Variants in XRN1 observed in about 807,000 individuals in gnomAD.
The protein encoded by XRN1 is strand-exchange protein 1 homolog.
In XRN1, 67 loss-of-function variants were observed where a neutral mutation model predicts 222.3. The observed-to-expected ratio is 0.30, with a 90% CI of 0.25 to 0.37. The LOEUF (loss-of-function observed/expected upper bound fraction) is 0.37, where lower values mean the gene tolerates loss of function less well. XRN1 is among the 10% of genes least tolerant of loss of function. The probability of loss-of-function intolerance (pLI) is 1.00; values close to 1 mark genes in which losing one functional copy is unlikely to be tolerated. For synonymous variants in XRN1, 643 were observed against 652.4 expected, an observed-to-expected ratio of 0.99 and a Z score of 0.22; for missense variants, 1,707 against 2,000.2, an observed-to-expected ratio of 0.85 and a Z score of 2.80.
At chr3:142,415,594 C>T (rs1185049763) in intron 13 of XRN1, among the ~76,000 whole-genome samples, 1 of 152,208 alleles carries the variant, frequency 6.6e-6, no homozygotes, top group Non-Finnish European at 1.5e-5. Flanking sequence ...GAATAACTTA[C>T]ATTCACACTA....
At position 142,355,410 on chromosome 3, in the gene XRN1, T is replaced by C. The variant is rs2066437990; in HGVS notation, c.3759A>G (p.Ile1253Met). 6.4e-7 allele frequency: 1 copy of C among 1,564,110 alleles called. No individual in the cohort carries two copies. The highest frequency in any genetic ancestry group is 2.3e-5 in the East Asian group (1 of 43,780). The change falls in exon 32 of 41, where the codon ATA becomes ATG. Residue 1253 changes from isoleucine to methionine, a missense_variant. Ile to Met is a conservative substitution (Grantham distance 10, BLOSUM62 1). Transcript: ENST00000392981. ...SGKMQYFQPTIQEKGAVLPQE... is the reference protein window; with the variant it reads ...SGKMQYFQPTMQEKGAVLPQE... ...AACAAGGAATACTAACCTTCTCTTG[T>C]ATAGTTGGCTGAAAGTATTGCATCT...
rs1169767689 is a variant in XRN1 at position 142,380,730 on chromosome 3, C to T, written c.2617-550G>A. ...GTGTAGTGGCACTATCATGGCTTGC[C>T]GACTTGCTGCACTTGCCTTCCTGGG... is the stretch of plus-strand genomic sequence containing the variant. On this transcript the variant is annotated intron_variant, in intron 22 of 40. Coordinates refer to ENST00000392981, the MANE Select transcript of XRN1 (RefSeq NM_001282857.2). 2.0e-5 allele frequency among the ~76,000 whole-genome samples: 3 copies of T among 151,958 alleles called. No individual in the cohort carries two copies. In the East Asian group the frequency reaches 5.8e-4, roughly 29 times the overall value.
At chr3:142,392,325 C>CT (rs58724846) in intron 20 of XRN1, among the ~76,000 whole-genome samples, 3,834 of 143,284 alleles carry the variant, frequency 0.027, 53 homozygotes, top group South Asian at 0.05. Flanking sequence ...CCAGCAATTT[C>CT]TTTTTTTTTT....
At chr3:142,413,410 G>C (rs959461717) in intron 14 of XRN1, among the ~76,000 whole-genome samples, 1 of 152,164 alleles carries the variant, frequency 6.6e-6, no homozygotes, top group Non-Finnish European at 1.5e-5. Context: ...CGAAGAAAGG[G>C]AAGCCAGGAT....
At chr3:142,318,517 A>C (rs1229364970) in intron 39 of XRN1, 75 bp downstream of exon 39, 1 of 1,315,752 alleles carries the variant, frequency 7.6e-7, no homozygotes, top group African/African-American at 1.5e-5. Context: ...ATTTGAGTAC[A>C]TTCTTGATTT....
intron 20 of XRN1, among the ~76,000 whole-genome samples, chr3:142,394,366 A>C (rs1352357979): frequency 6.6e-6 from 1 of 152,192 alleles, no homozygotes; most frequent in African/African-American, 2.4e-5. Context: ...AGAATGTTTC[A>C]TTATAAATTA....
At chr3:142,337,144 T>C (rs540362365) in intron 33 of XRN1, among the ~76,000 whole-genome samples, 1 of 152,278 alleles carries the variant, frequency 6.6e-6, no homozygotes, top group South Asian at 2.1e-4. Context: ...TTTCCTCTAC[T>C]GGAAAGTTCT....
chr3:142,408,224 A>G (rs2068425638), intron 15 of XRN1, among the ~76,000 whole-genome samples: 1 of 152,228 alleles, frequency 6.6e-6, no homozygotes. Flanking sequence ...ACCAGACTAA[A>G]GAATAAGCGA....
At chr3:142,362,123 C>G (rs1474254700) in intron 29 of XRN1, among the ~76,000 whole-genome samples, 1 of 151,478 alleles carries the variant, frequency 6.6e-6, no homozygotes. Context: ...TGCCGGCCAC[C>G]ATTCCTGGCT....
At chr3:142,416,639 C>T (rs1473090561) in intron 13 of XRN1, among the ~76,000 whole-genome samples, 1 of 152,206 alleles carries the variant, frequency 6.6e-6, no homozygotes, top group Non-Finnish European at 1.5e-5. Context: ...TAAATCTTTA[C>T]ATTAACTAAG....
chr3:142,347,760 G>C (rs1377395674), intron 32 of XRN1, among the ~76,000 whole-genome samples: 1 of 151,412 alleles, frequency 6.6e-6, no homozygotes, highest in Non-Finnish European at 1.5e-5. Context: ...ATCGTGCCTG[G>C]CTAGTTTTTG....
At chr3:142,431,946 A>C in intron 2 of XRN1, among the ~76,000 whole-genome samples, 1 of 97,684 alleles carries the variant, frequency 1.0e-5, no homozygotes, top group African/African-American at 4.3e-5. Flanking sequence ...TATATATTAT[A>C]TAATATATTA....
chr3:142,318,721 A>C, intron 38 of XRN1, 27 bp from the exon 39 acceptor site: 1 of 1,609,638 alleles, frequency 6.2e-7, no homozygotes, highest in Non-Finnish European at 8.5e-7. Context: ...AAGTTACAAG[A>C]CAATGCAATA....
At chr3:142,335,123 G>A (rs1386855885) in intron 34 of XRN1, among the ~76,000 whole-genome samples, 1 of 151,748 alleles carries the variant, frequency 6.6e-6, no homozygotes, top group Non-Finnish European at 1.5e-5. Flanking sequence ...TTACAGGCAT[G>A]AGCCACCACG....
rs555097512 is a variant in XRN1 at position 142,389,436 on chromosome 3, C to T, written c.2340-4751G>A. Among the ~76,000 whole-genome samples, 5 of 152,258 alleles carry T rather than the reference C, an allele frequency of 3.3e-5. No homozygotes were observed. The East Asian group carries it at 9.7e-4, about 29-fold the overall frequency. ...AAATTCCTGCTAATGTTGATAGATA[C>T]TTTGAAATCCCATGAATCATGAATG... On this transcript the variant is annotated intron_variant, in intron 20 of 40. Coordinates refer to ENST00000392981, the MANE Select transcript of XRN1 (RefSeq NM_001282857.2).
chr3:142,407,530 T>C (rs572998794), intron 15 of XRN1: 2 of 152,372 alleles, frequency 1.3e-5, no homozygotes, highest in South Asian at 2.1e-4. Context: ...GGTTTCACCA[T>C]GTTGGCCAGG....
chr3:142,435,259 T>G, intron 1 of XRN1: 1 of 151,874 alleles, frequency 6.6e-6, no homozygotes, highest in Non-Finnish European at 1.5e-5. Context: ...TTAGCTGGGC[T>G]TGGTGGCAGG....
chr3:142,435,571 C>T (rs372037219), intron 1 of XRN1, among the ~76,000 whole-genome samples: 1 of 150,064 alleles, frequency 6.7e-6, no homozygotes, highest in East Asian at 2.0e-4. Flanking sequence ...ATCAGCCTGG[C>T]CAACAAAGTG....
intron 40 of XRN1, 33 bp from the exon 41 acceptor site, chr3:142,311,846 T>C: frequency 2.0e-6 from 3 of 1,525,840 alleles, no homozygotes; most frequent in East Asian, 2.3e-5. Context: ...TAATTAATAA[T>C]GTAGGCAAAA....
Sources: gnomAD v4.1 joint callset for allele counts (sites outside exome capture counted in the v4.1 genomes callset) on GRCh38, gnomAD v4.1.1 for gene constraint, MANE v1.5 for transcripts, NCBI Gene and HGNC (gene_info 2026-07-23, HGNC 2026-07-21) for gene names.